RASGRF2: variants seen among roughly 807,000 people sequenced by gnomAD.
The protein encoded by RASGRF2 is ras-specific guanine nucleotide-releasing factor 2.
A neutral mutation model predicts 151.0 loss-of-function variants in RASGRF2; 76 were observed. The observed-to-expected ratio is 0.50, with a 90% confidence interval of 0.42 to 0.61. RASGRF2 has a LOEUF of 0.61. Among genes scored for constraint, RASGRF2 ranks in the 20% least tolerant of loss-of-function variants. The probability of loss-of-function intolerance (pLI) is 0.00; values close to 1 mark genes in which losing one functional copy is unlikely to be tolerated. For synonymous variants in RASGRF2, 504 were observed against 566.5 expected (o/e 0.89, Z 1.57); for missense variants, 1,148 against 1,564.6 (o/e 0.73, Z 4.49).
chr5:81,112,926 G>A, intron 14 of RASGRF2, 68 bp downstream of exon 14: 2 of 1,589,750 alleles, frequency 1.3e-6, no homozygotes, highest in Non-Finnish European at 1.7e-6. Flanking sequence ...GTCACCATGA[G>A]GATGAGCAGG....
intron 17 of RASGRF2, among the ~76,000 whole-genome samples, chr5:81,132,878 A>G (rs975285405): frequency 1.3e-5 from 2 of 152,188 alleles, no homozygotes; most frequent in Non-Finnish European, 2.9e-5. Flanking sequence ...AATTATAAAT[A>G]TAAACTTTTA....
chr5:81,178,256 A>G (rs1474142897), intron 17 of RASGRF2, among the ~76,000 whole-genome samples: 1 of 152,162 alleles, frequency 6.6e-6, no homozygotes, highest in East Asian at 1.9e-4. Flanking sequence ...TAGCAGATAA[A>G]ATTATTAGGA....
intron 2 of RASGRF2, among the ~76,000 whole-genome samples, chr5:81,043,873 A>C (rs1204484988): frequency 6.6e-6 from 1 of 152,170 alleles, no homozygotes; most frequent in African/African-American, 2.4e-5. Flanking sequence ...ATCTCCCTGC[A>C]AGTCAGCCCT....
intron 1 of RASGRF2, among the ~76,000 whole-genome samples, chr5:80,996,859 C>T (rs1286349950): frequency 6.6e-6 from 1 of 151,784 alleles, no homozygotes; most frequent in Non-Finnish European, 1.5e-5. Flanking sequence ...CTCAGCCTCT[C>T]AAAGTTGTTT....
At chr5:80,966,664 T>TTTGTTG (rs377170720) in intron 1 of RASGRF2, among the ~76,000 whole-genome samples, 6 of 151,840 alleles carry the variant, frequency 4.0e-5, no homozygotes, top group Non-Finnish European at 7.4e-5. Context: ...CAGTAGCAGG[T>TTTGTTG]TTGTTGTTGT....
intron 17 of RASGRF2, among the ~76,000 whole-genome samples, chr5:81,169,545 T>C (rs1480369827): frequency 6.6e-6 from 1 of 152,184 alleles, no homozygotes. Context: ...CCTCTAGGTG[T>C]GTCTGTGTCC....
At chr5:81,073,135 T>C (rs1751829175) in intron 4 of RASGRF2, 64 bp from the exon 5 acceptor site, 1 of 1,511,700 alleles carries the variant, frequency 6.6e-7, no homozygotes, top group Admixed American at 2.0e-5. Context: ...TATTTCATGT[T>C]CTTTTCCATA....
At chr5:80,988,306 C>T (rs1748541908) in intron 1 of RASGRF2, among the ~76,000 whole-genome samples, 1 of 152,114 alleles carries the variant, frequency 6.6e-6, no homozygotes, top group East Asian at 1.9e-4. Context: ...ATGCCTCGGC[C>T]TCCCAAAGTG....
At chr5:81,063,912 C>G (rs1450096680) in intron 2 of RASGRF2, among the ~76,000 whole-genome samples, 1 of 151,806 alleles carries the variant, frequency 6.6e-6, no homozygotes, top group Non-Finnish European at 1.5e-5. Context: ...TACCTTTTTT[C>G]CTGAATTAGC....
At chr5:81,011,570 C>T (rs950632995) in intron 1 of RASGRF2, among the ~76,000 whole-genome samples, 2 of 151,878 alleles carry the variant, frequency 1.3e-5, no homozygotes, top group Admixed American at 6.6e-5. Flanking sequence ...GGAGAAACCC[C>T]GTCTCTACTA....
chr5:80,990,957 A>G (rs917858550), intron 1 of RASGRF2, among the ~76,000 whole-genome samples: 1 of 152,234 alleles, frequency 6.6e-6, no homozygotes. Context: ...AGACTAGAGC[A>G]GGAAAGTTAT....
At chr5:81,081,982 G>C (rs906292343) in intron 7 of RASGRF2, among the ~76,000 whole-genome samples, 1 of 152,134 alleles carries the variant, frequency 6.6e-6, no homozygotes, top group African/African-American at 2.4e-5. Flanking sequence ...TGGAATTTAA[G>C]ATTTTATTTA....
chr5:81,095,421 C>T (rs1479317238), intron 12 of RASGRF2, among the ~76,000 whole-genome samples: 1 of 152,192 alleles, frequency 6.6e-6, no homozygotes, highest in Non-Finnish European at 1.5e-5. Flanking sequence ...TCAAAAGAGA[C>T]ACCGTCTCTA....
chr5:81,112,826 A>G lies in RASGRF2; in HGVS notation c.2055A>G (p.Ile685Met), dbSNP rs775227730. The G allele has an allele frequency of 9.3e-6, 15 of 1,614,058 alleles. No individual in the cohort carries two copies. Among genetic ancestry groups the G allele is most frequent in the Non-Finnish European group, 1.2e-5 (14 of 1,180,040 alleles). ...AAVVLGKLSD[I>M]YKRPFTSIPV... ...TGGTGCTGGGGAAACTCTCCGACAT[A>G]TACAAGAGGCCTTTCACCTCCATCC... is the stretch of plus-strand genomic sequence containing the variant. Residue 685 changes from isoleucine (I) to methionine (M), a missense_variant, in exon 14 of 27, where the codon ATA (isoleucine) becomes ATG (methionine). Ile to Met is a conservative substitution (Grantham distance 10). Coordinates refer to ENST00000265080, the MANE Select transcript of RASGRF2 (RefSeq NM_006909.3).
At chr5:81,031,418 A>T (rs1750242186) in intron 1 of RASGRF2, among the ~76,000 whole-genome samples, 1 of 152,218 alleles carries the variant, frequency 6.6e-6, no homozygotes, top group Non-Finnish European at 1.5e-5. Flanking sequence ...TTCTCAGCAA[A>T]TGTAAAAGAA....
intron 18 of RASGRF2, among the ~76,000 whole-genome samples, chr5:81,200,522 A>C (rs906706805): frequency 6.6e-6 from 1 of 152,304 alleles, no homozygotes; most frequent in African/African-American, 2.4e-5. Context: ...AGCTCTTAGC[A>C]TATCTATATT....
chr5:80,999,582 C>A (rs1239482231), intron 1 of RASGRF2, among the ~76,000 whole-genome samples: 4 of 152,002 alleles, frequency 2.6e-5, no homozygotes, highest in African/African-American at 9.7e-5. Flanking sequence ...TGGTCTTGAA[C>A]TTCTGGGCTC....
chr5:81,093,313 T>C (rs1226483657), intron 10 of RASGRF2, among the ~76,000 whole-genome samples: 3 of 152,240 alleles, frequency 2.0e-5, no homozygotes, highest in Non-Finnish European at 2.9e-5. Flanking sequence ...AATGTACCAA[T>C]GCAATATTTG....
At chr5:81,212,683 A>G in intron 23 of RASGRF2, 120 bp downstream of exon 23, 1 of 963,378 alleles carries the variant, frequency 1.0e-6, no homozygotes, top group East Asian at 2.7e-5. Context: ...CAGTTGCCAA[A>G]GAAAGGTGCC....
Sources: gnomAD v4.1 joint callset for allele counts (sites outside exome capture counted in the v4.1 genomes callset) on GRCh38, gnomAD v4.1.1 for gene constraint, MANE v1.5 for transcripts, NCBI Gene and HGNC (gene_info 2026-07-23, HGNC 2026-07-21) for gene names.